Variants in IQCE observed in about 807,000 individuals in gnomAD.
IQCE encodes the protein IQ motif containing E.
A neutral mutation model predicts 96.0 loss-of-function variants in IQCE; 115 were observed. The ratio of observed to expected loss-of-function variants is 1.20; its 90% CI spans 1.03 to 1.40. The LOEUF is 1.40. IQCE is among the 40% of genes most tolerant of loss of function. The probability of loss-of-function intolerance (pLI) is 0.00; values close to 1 mark genes in which losing one functional copy is unlikely to be tolerated. For synonymous variants in IQCE, 412 were observed against 371.2 expected, an observed-to-expected ratio of 1.11 and a Z score of -1.26; for missense variants, 1,041 against 909.1, an observed-to-expected ratio of 1.15 and a Z score of -1.87.
chr7:2,610,099 C>T lies in IQCE; in HGVS notation c.2025C>T (p.Asn675=), dbSNP rs113446179. ...ALAPLPGDDV[N]SDDSDDIVIA... is the part of the protein sequence containing the mutation. ...CACCTCTACCTGGGGATGACGTCAACTCCGATGATTCCGACGATATTGTCA... is the reference window on the plus strand; with the variant it reads ...CACCTCTACCTGGGGATGACGTCAATTCCGATGATTCCGACGATATTGTCA... The change falls in exon 22 of 22, where the codon AAC becomes AAT. Residue 675 remains asparagine (N), a synonymous_variant. Transcript: ENST00000402050. The T allele has an allele frequency of 9.9e-6, 16 of 1,613,460 alleles. 1 individual carries two copies. The highest frequency in any genetic ancestry group is 9.3e-5 in the African/African-American group (7 of 75,046).
rs750067200 is a variant in IQCE, at chr7:2,610,239, C to T, written c.*77C>T. Reference sequence around the variant, plus strand: ...AACCACGACTGGAAAGATAATTTATCGTGTTAGGAGAAGAACGATGATACC... The same window carrying T: ...AACCACGACTGGAAAGATAATTTATTGTGTTAGGAGAAGAACGATGATACC... On this transcript the variant is annotated 3_prime_UTR_variant, in exon 22 of 22. Coordinates refer to ENST00000402050, the MANE Select transcript of IQCE (RefSeq NM_152558.5). 1.1e-4 allele frequency: 93 copies of T among 882,464 alleles called. No homozygotes were observed. Among genetic ancestry groups the T allele is most frequent in the Non-Finnish European group, 1.7e-4 (87 of 517,910 alleles). The allele number at this position is 882,464 out of a possible 1,614,324, so 54.7% of individuals were successfully genotyped here. A position where few individuals can be genotyped will look rare whatever the true frequency, so the allele number is the denominator to read the frequency against.
intron 3 of IQCE, among the ~76,000 whole-genome samples, chr7:2,569,591 C>G (rs532301161): frequency 4.6e-5 from 7 of 152,270 alleles, no homozygotes; most frequent in Admixed American, 1.3e-4. Flanking sequence ...CCCTCTGTCT[C>G]TAATGCCGCT....
chr7:2,564,845 G>A lies in IQCE; in HGVS notation c.37-2271G>A, dbSNP rs118059313. On this transcript the variant is annotated intron_variant, in intron 1 of 21. Coordinates refer to ENST00000402050, the MANE Select transcript of IQCE (RefSeq NM_152558.5). The stretch of plus-strand genomic sequence containing the variant: ...GCTGATCAAGTTTTTCTAACTCCTC[G>A]TTGATCTTCTGCCTCGCTCTCCTGT... Among the ~76,000 whole-genome samples the A allele has an allele frequency of 6.5e-3, 990 of 152,180 alleles. 4 individuals carry two copies. Among genetic ancestry groups the A allele is most frequent in the Non-Finnish European group, 0.012 (808 of 68,018 alleles).
In IQCE at chr7:2,582,940, C is replaced by T. The variant is rs540669277; in HGVS notation, c.701+290C>T. The stretch of plus-strand genomic sequence containing the variant: ...TTTAACGCCTCAGTCCTGCGCCGTC[C>T]TTGTGCTGTTTTTGGCGTGGCTACT... On this transcript the variant is annotated intron_variant, in intron 9 of 21. Transcript: ENST00000402050. Among the ~76,000 whole-genome samples, 3 of 152,250 alleles carry T rather than the reference C, an allele frequency of 2.0e-5. No homozygotes were observed. The East Asian group carries it at 5.8e-4, about 29-fold the overall frequency.
chr7:2,559,104 G>C lies in IQCE; in HGVS notation c.-78G>C. ...AGGGAAGGCCCCGAGGCTGCGGGCGGCCAGGGCTGCCCGCGGATTCCCAGA... is the reference window on the plus strand; with the variant it reads ...AGGGAAGGCCCCGAGGCTGCGGGCGCCCAGGGCTGCCCGCGGATTCCCAGA... On this transcript the variant is annotated 5_prime_UTR_variant, in exon 1 of 22. Coordinates refer to ENST00000402050, the MANE Select transcript of IQCE (RefSeq NM_152558.5). 1 of 960,816 alleles carries C rather than the reference G, an allele frequency of 1.0e-6. No individual in the cohort carries two copies. Among genetic ancestry groups the C allele is most frequent in the Non-Finnish European group, 1.3e-6 (1 of 748,556 alleles). 59.5% of individuals were successfully genotyped at this position (960,816 alleles called of 1,614,324 possible).
intron 12 of IQCE, among the ~76,000 whole-genome samples, chr7:2,586,878 G>A (rs764397292): frequency 1.3e-5 from 2 of 152,220 alleles, no homozygotes; most frequent in African/African-American, 2.4e-5. Flanking sequence ...GGGCGAGGCA[G>A]GGTGCCATGG....
At chr7:2,592,279 C>G (rs1366409258) in intron 14 of IQCE, among the ~76,000 whole-genome samples, 1 of 152,220 alleles carries the variant, frequency 6.6e-6, no homozygotes, top group Non-Finnish European at 1.5e-5. Context: ...TATTTCACGA[C>G]AAGCTTTTCC....
intron 3 of IQCE, chr7:2,571,305 C>T (rs1781736917): frequency 1.9e-6 from 1 of 515,128 alleles, no homozygotes; most frequent in Non-Finnish European, 3.4e-6. Flanking sequence ...AGGCATGAGC[C>T]ACCATGCCTG....
chr7:2,561,974 C>A (rs76080100), intron 1 of IQCE, among the ~76,000 whole-genome samples: 1,634 of 152,260 alleles, frequency 0.011, 21 homozygotes, highest in African/African-American at 0.037. Flanking sequence ...TGTCTTGCTG[C>A]TGCTATTAGA....
In IQCE at chr7:2,587,890, C is replaced by T. The variant is rs1250307854; in HGVS notation, c.1044+13C>T. 1 of 1,613,552 alleles carries T rather than the reference C, an allele frequency of 6.2e-7. No individual in the cohort carries two copies. The highest frequency in any genetic ancestry group is 8.5e-7 in the Non-Finnish European group (1 of 1,179,552). ...GGAGCTGGAGAAGGTGAGCGGGCGTCTCAGTGCCACTGTCGTTGGGGACCA... is the reference window on the plus strand; with the variant it reads ...GGAGCTGGAGAAGGTGAGCGGGCGTTTCAGTGCCACTGTCGTTGGGGACCA... On this transcript the variant is annotated intron_variant, in intron 13 of 21. Transcript: ENST00000402050.
chr7:2,588,389 C>G (rs931725454), intron 13 of IQCE, among the ~76,000 whole-genome samples: 1 of 150,956 alleles, frequency 6.6e-6, no homozygotes, highest in African/African-American at 2.4e-5. Context: ...GAGTCTCACT[C>G]TGTCCCCAGG....
chr7:2,605,783 C>G, intron 19 of IQCE, 93 bp from the exon 20 acceptor site: 1 of 1,311,666 alleles, frequency 7.6e-7, no homozygotes, highest in Non-Finnish European at 9.9e-7. Flanking sequence ...CTCTTCCTGT[C>G]TCCCTGACGC....
intron 2 of IQCE, among the ~76,000 whole-genome samples, chr7:2,568,242 A>C (rs1781521643): frequency 6.6e-6 from 1 of 152,236 alleles, no homozygotes. Context: ...AGTTATTAAA[A>C]ACACAATATA....
chr7:2,603,989 C>T (rs1377959174), intron 18 of IQCE, among the ~76,000 whole-genome samples: 2 of 125,914 alleles, frequency 1.6e-5, no homozygotes, highest in Non-Finnish European at 3.4e-5. Context: ...GCTTCCCTGT[C>T]TTTTTTTTTT....
intron 1 of IQCE, among the ~76,000 whole-genome samples, chr7:2,561,266 A>G (rs1780932568): frequency 6.6e-6 from 1 of 151,886 alleles, no homozygotes; most frequent in Non-Finnish European, 1.5e-5. Flanking sequence ...CCCTATGTAG[A>G]TCTTTGATTT....
At position 2,584,277 on chromosome 7, in the gene IQCE, C is replaced by T. The variant is rs61757091; in HGVS notation, c.816C>T (p.Thr272=). 2,631 of 1,613,934 alleles carry T rather than the reference C, an allele frequency of 1.6e-3. 24 individuals carry two copies. The African/African-American group carries it at 0.016, about 10-fold the overall frequency. Residue 272 remains threonine, a synonymous_variant, in exon 11 of 22, where the codon ACC becomes ACT. Transcript: ENST00000402050. ...CCCTCTTGGCAAGTTCTGAAACCAC[C>T]GGAAAGAAGTATGATGGCCGCTTGC... is the stretch of plus-strand genomic sequence containing the variant. ...LQTLLASSET[T]GKKPLGEKKT...
intron 17 of IQCE, among the ~76,000 whole-genome samples, chr7:2,600,825 C>T (rs536100833): frequency 1.3e-5 from 2 of 152,310 alleles, no homozygotes; most frequent in East Asian, 1.9e-4. Flanking sequence ...TTGGCATCAA[C>T]ATCTGGGGAG....
chr7:2,559,144 C>T lies in IQCE; in HGVS notation c.-38C>T. On this transcript the variant is annotated 5_prime_UTR_variant, in exon 1 of 22. Coordinates refer to ENST00000402050, the MANE Select transcript of IQCE (RefSeq NM_152558.5). The stretch of plus-strand genomic sequence containing the variant: ...GGATTCCCAGACCCGGACGCCCGAG[C>T]CAGCAACCCTGAGGGGCGGCCGGGC... The T allele has an allele frequency of 8.3e-7, 1 of 1,209,030 alleles. No homozygotes were observed. The highest frequency in any genetic ancestry group is 1.0e-6 in the Non-Finnish European group (1 of 971,974). The allele number at this position is 1,209,030 out of a possible 1,614,324, so 74.9% of individuals were successfully genotyped here.
intron 2 of IQCE, 34 bp from the exon 3 acceptor site, chr7:2,568,920 C>T (rs1781568841): frequency 6.2e-7 from 1 of 1,603,100 alleles, no homozygotes. Flanking sequence ...TGTGGGAGCT[C>T]AGCAAGCCTT....
Sources: gnomAD v4.1 joint callset for allele counts (sites outside exome capture counted in the v4.1 genomes callset) on GRCh38, gnomAD v4.1.1 for gene constraint, MANE v1.5 for transcripts, NCBI Gene and HGNC (gene_info 2026-07-23, HGNC 2026-07-21) for gene names.